Variants in ABHD1 observed in about 807,000 individuals in gnomAD.
ABHD1 encodes the protein abhydrolase domain containing 1, also known as protein ABHD1.
ABHD1 carries 47 observed loss-of-function variants against 41.4 expected under a neutral mutation model. The observed-to-expected ratio is 1.13, with a 90% confidence interval of 0.90 to 1.45. The LOEUF is 1.45. ABHD1 is among the 40% of genes most tolerant of loss of function. The probability of loss-of-function intolerance (pLI) is 0.00; values close to 1 mark genes in which losing one functional copy is unlikely to be tolerated. For missense variants in ABHD1, 550 were observed against 503.4 expected (o/e 1.09, Z -0.89); for synonymous variants, 205 against 203.7 (o/e 1.01, Z -0.05).
chr2:27,128,890 T>C, intron 2 of ABHD1, 55 bp from the exon 3 acceptor site: 1 of 1,567,522 alleles, frequency 6.4e-7, no homozygotes, highest in East Asian at 2.3e-5. Context: ...GCAAAGCTTT[T>C]GAATTACATT....
At position 27,129,073 on chromosome 2, in the gene ABHD1, G is replaced by A. The variant is rs150632353; in HGVS notation, c.404G>A (p.Ser135Asn). Residue 135 changes from serine (S) to asparagine (N), a missense_variant, in exon 3 of 9, where the codon AGC becomes AAC. Coordinates refer to ENST00000316470, the MANE Select transcript of ABHD1 (RefSeq NM_032604.4). ...CTGCTTCCTGGCATCACTGGCAGTAGCCAGGAGACATACGTCTTGCACCTA... is the reference window on the plus strand; with the variant it reads ...CTGCTTCCTGGCATCACTGGCAGTAACCAGGAGACATACGTCTTGCACCTA... The part of the protein sequence containing the change: ...VLLLPGITGS[S>N]QETYVLHLVN... 8.2e-4 allele frequency: 1,319 copies of A among 1,614,048 alleles called. 1 individual carries two copies. Among genetic ancestry groups the A allele is most frequent in the Non-Finnish European group, 1.0e-3 (1,199 of 1,180,030 alleles).
intron 1 of ABHD1, among the ~76,000 whole-genome samples, chr2:27,127,687 G>T (rs962820658): frequency 1.3e-5 from 2 of 149,904 alleles, no homozygotes; most frequent in African/African-American, 4.9e-5. Context: ...TCAGCCTCCC[G>T]AGTAACTGAG....
rs753096530 is a variant in ABHD1, at chr2:27,129,870, T to C, written c.734T>C (p.Leu245Pro). Residue 245 changes from leucine (L) to proline (P), a missense_variant, in exon 6 of 9, where the codon CTC (leucine) becomes CCC (proline). Coordinates refer to ENST00000316470, the MANE Select transcript of ABHD1 (RefSeq NM_032604.4). The part of the protein sequence containing the change: ...FETTRSLETP[L>P]NSLLFNQPLT... ...ACCACTCGCTCCCTGGAAACCCCACTCAACTCACTGCTCTTCAATCAGCCC... is the reference window on the plus strand; with the variant it reads ...ACCACTCGCTCCCTGGAAACCCCACCCAACTCACTGCTCTTCAATCAGCCC... The C allele has an allele frequency of 1.9e-6, 3 of 1,614,062 alleles. No individual in the cohort carries two copies. The East Asian group carries it at 6.7e-5, about 36-fold the overall frequency.
In ABHD1 at chr2:27,130,792, A is replaced by T. The variant is rs746812273; in HGVS notation, c.*48A>T. On this transcript the variant is annotated 3_prime_UTR_variant, in exon 9 of 9. Transcript: ENST00000316470. ...AGTTCACTCTTTCCTTGTTTATTAA[A>T]TATCAACTTTTCCTGCCTAATGGGC... The T allele has an allele frequency of 2.5e-6, 4 of 1,585,688 alleles. No individual in the cohort carries two copies. Among genetic ancestry groups the T allele is most frequent in the Admixed American group, 1.7e-5 (1 of 59,578 alleles).
intron 1 of ABHD1, among the ~76,000 whole-genome samples, chr2:27,128,192 A>G (rs1282017264): frequency 6.6e-6 from 1 of 152,208 alleles, no homozygotes; most frequent in African/African-American, 2.4e-5. Flanking sequence ...CAGTCAACTC[A>G]GCAGCTCCCA....
At chr2:27,124,155 T>C (rs777171342) in intron 1 of ABHD1, 93 bp downstream of exon 1, 64 of 1,185,040 alleles carry the variant, frequency 5.4e-5, no homozygotes, top group Non-Finnish European at 7.9e-5. Flanking sequence ...ACTGGGATGG[T>C]TGGGCTTCCC....
intron 1 of ABHD1, chr2:27,126,578 C>G (rs1671964791): frequency 6.6e-6 from 1 of 152,260 alleles, no homozygotes; most frequent in African/African-American, 2.4e-5. Context: ...TTCCACGTGG[C>G]TAGGCTCTCT....
chr2:27,124,582 A>G (rs540787860), intron 1 of ABHD1: 18 of 232,422 alleles, frequency 7.7e-5, no homozygotes, highest in Non-Finnish European at 1.3e-4. Flanking sequence ...GGCTCTCCAT[A>G]TAGTGAGTGT....
intron 6 of ABHD1, 70 bp downstream of exon 6, chr2:27,129,997 G>A: frequency 6.2e-7 from 1 of 1,610,856 alleles, no homozygotes; most frequent in Non-Finnish European, 8.5e-7. Context: ...CTCTCCTAGT[G>A]CTTGGTCAGT....
Position 27,130,630 on chromosome 2 carries a change from G to A in ABHD1, c.1104G>A (p.Trp368Ter). The A allele has an allele frequency of 6.2e-7, 1 of 1,614,184 alleles. No individual in the cohort carries two copies. The highest frequency in any genetic ancestry group is 8.5e-7 in the Non-Finnish European group (1 of 1,180,034). ...HIGFLEGLLP[W>*]QHWYMSRLLH... ...GCTTCCTGGAAGGGCTGCTCCCGTG[G>A]CAGCACTGGTACATGAGCCGCCTCT... The change falls in exon 9 of 9, where the codon TGG becomes TGA. Residue 368 changes from tryptophan (W) to a stop codon, truncating the protein, a stop_gained. Coordinates refer to ENST00000316470, the MANE Select transcript of ABHD1 (RefSeq NM_032604.4). LOFTEE classifies it low-confidence loss of function (END_TRUNC).
chr2:27,130,743 G>A lies in ABHD1; in HGVS notation c.1217G>A (p.Ter406=), dbSNP rs1425442683. The A allele has an allele frequency of 1.2e-6, 2 of 1,613,662 alleles. No homozygotes were observed. The highest frequency in any genetic ancestry group is 4.5e-5 in the East Asian group (2 of 44,874). Reference sequence around the variant, plus strand: ...TTACCTTCTGAGGACAGAAACAGCTGACAAGAGTACCATTTGGGGTCTCAG... The same window carrying A: ...TTACCTTCTGAGGACAGAAACAGCTAACAAGAGTACCATTTGGGGTCTCAG... ...ALLPSEDRNS[*] Residue 406 remains the stop codon, a stop_retained_variant, in exon 9 of 9, where the codon TGA becomes TAA. Transcript: ENST00000316470.
chr2:27,128,440 G>A lies in ABHD1; in HGVS notation c.115-1G>A, dbSNP rs758682485. On this transcript the variant is annotated splice_acceptor_variant, in intron 1 of 8. Transcript: ENST00000316470. LOFTEE classifies it high-confidence loss of function. ...TGGGGCAGACTGCTGTGTGATTACA[G>A]AGGCCTCGGCTGGTGGCTGGGCCGC... 6.2e-7 allele frequency: 1 copy of A among 1,613,850 alleles called. No homozygotes were observed. Among genetic ancestry groups the A allele is most frequent in the Admixed American group, 1.7e-5 (1 of 59,978 alleles).
At chr2:27,129,978 C>G (rs373511955) in intron 6 of ABHD1, 51 bp downstream of exon 6, 4 of 1,611,278 alleles carry the variant, frequency 2.5e-6, no homozygotes, top group Non-Finnish European at 2.5e-6. Flanking sequence ...GGATGGCAGA[C>G]ACTCCAGGCT....
intron 1 of ABHD1, among the ~76,000 whole-genome samples, chr2:27,127,567 A>G (rs1422729521): frequency 2.2e-4 from 12 of 55,622 alleles, no homozygotes; most frequent in African/African-American, 3.5e-4. Context: ...AAAAAAAAAA[A>G]AAAAGAAAAA....
At chr2:27,124,499 GTCAGAACTGGCCTAGC>G in intron 1 of ABHD1, 7 of 355,206 alleles carry the variant, frequency 2.0e-5, no homozygotes, top group South Asian at 1.5e-4. Flanking sequence ...GCTGGCTGAG[GTCAGAACTGGCCTAGC>G]TCAGAACTGA....
intron 1 of ABHD1, chr2:27,125,490 G>A (rs1199319518): frequency 6.6e-6 from 1 of 152,188 alleles, no homozygotes; most frequent in African/African-American, 2.4e-5. Flanking sequence ...TCAGGAGGGA[G>A]TCAAGAAACA....
At chr2:27,124,419 G>A (rs1439372701) in intron 1 of ABHD1, 1 of 372,478 alleles carries the variant, frequency 2.7e-6, no homozygotes, top group Non-Finnish European at 5.3e-6. Flanking sequence ...CCAGAGGTCT[G>A]TGGGTCATGG....
chr2:27,129,902 G>A lies in ABHD1; in HGVS notation c.766G>A (p.Ala256Thr), dbSNP rs1388370543. 2 of 1,613,904 alleles carry A rather than the reference G, an allele frequency of 1.2e-6. No homozygotes were observed. The highest frequency in any genetic ancestry group is 1.1e-5 in the South Asian group (1 of 91,086). Reference protein sequence around the residue: ...NSLLFNQPLTAGLCQLVERNR... With the variant: ...NSLLFNQPLTTGLCQLVERNR... The stretch of plus-strand genomic sequence containing the variant: ...ACTGCTCTTCAATCAGCCCCTCACT[G>A]CTGGGCTCTGCCAACTTGTGGAACG... Residue 256 changes from alanine (A) to threonine (T), a missense_variant, in exon 6 of 9, where the codon GCT becomes ACT. Ala to Thr is a moderately conservative substitution (Grantham distance 58). Coordinates refer to ENST00000316470, the MANE Select transcript of ABHD1 (RefSeq NM_032604.4).
intron 1 of ABHD1, among the ~76,000 whole-genome samples, chr2:27,128,141 G>C (rs575941598): frequency 6.6e-6 from 1 of 152,282 alleles, no homozygotes; most frequent in African/African-American, 2.4e-5. Flanking sequence ...TCTCCAAAAT[G>C]GGTTTGGGGC....
Sources: allele counts gnomAD v4.1 joint callset (sites outside exome capture counted in the v4.1 genomes callset), GRCh38; gene constraint gnomAD v4.1.1; transcripts MANE v1.5; gene names NCBI Gene and HGNC (gene_info 2026-07-23, HGNC 2026-07-21).